RAPGEF6: variants seen among roughly 807,000 people sequenced by gnomAD.
RAPGEF6 encodes the protein Rap guanine nucleotide exchange factor 6, also known as PDZ domain containing guanine nucleotide exchange factor (GEF) 2.
In RAPGEF6, 56 loss-of-function variants were observed where a neutral mutation model predicts 171.4. The observed-to-expected ratio is 0.33, with a 90% CI of 0.26 to 0.41. RAPGEF6 has a LOEUF of 0.41. RAPGEF6 is among the 10% of genes least tolerant of loss of function. The probability of loss-of-function intolerance (pLI) is 1.00; values close to 1 mark genes in which losing one functional copy is unlikely to be tolerated. For missense variants in RAPGEF6, 1,674 were observed against 1,921.4 expected (o/e 0.87, Z 2.41); for synonymous variants, 692 against 650.1 (o/e 1.06, Z -0.98).
intron 1 of RAPGEF6, among the ~76,000 whole-genome samples, chr5:131,622,330 G>T (rs1048194923): frequency 6.6e-6 from 1 of 152,220 alleles, no homozygotes; most frequent in African/African-American, 2.4e-5. Context: ...GGAAGAAGGA[G>T]GCAGGCATGA....
intron 11 of RAPGEF6, among the ~76,000 whole-genome samples, chr5:131,503,947 T>G (rs1214412048): frequency 6.6e-6 from 1 of 152,206 alleles, no homozygotes; most frequent in Non-Finnish European, 1.5e-5. Context: ...CCAGAAGCAC[T>G]CTGCATCTTA....
In RAPGEF6 at chr5:131,523,030, T is replaced by C. The variant is rs78015757; in HGVS notation, c.496-1509A>G. On this transcript the variant is annotated intron_variant, in intron 6 of 27. Coordinates refer to ENST00000509018, the MANE Select transcript of RAPGEF6 (RefSeq NM_016340.6). ...CTAGGTCTCAATTAAAAAAATTTTT[T>C]TTCACATATACAACATCCATTGCTC... 3.3e-5 allele frequency among the ~76,000 whole-genome samples: 5 copies of C among 152,272 alleles called. No homozygotes were observed. The East Asian group carries it at 9.6e-4, about 29-fold the overall frequency.
chr5:131,426,034 C>A lies in RAPGEF6; in HGVS notation c.*1232G>T. The A allele has an allele frequency of 6.6e-6, 1 of 151,684 alleles. No individual in the cohort carries two copies. The highest frequency in any genetic ancestry group is 1.9e-4 in the East Asian group (1 of 5,304). The allele number at this position is 151,684 out of a possible 1,614,324, so 9.4% of individuals were successfully genotyped here. A position where few individuals can be genotyped will look rare whatever the true frequency, so the allele number is the denominator to read the frequency against. On this transcript the variant is annotated 3_prime_UTR_variant, in exon 28 of 28. Coordinates refer to ENST00000509018, the MANE Select transcript of RAPGEF6 (RefSeq NM_016340.6). ...TGAAAAATCTGCCTCATCCAGTAAACAGTCACTGAAATTTTAATTAAGAGT... is the reference window on the plus strand; with the variant it reads ...TGAAAAATCTGCCTCATCCAGTAAAAAGTCACTGAAATTTTAATTAAGAGT...
chr5:131,560,033 A>AT (rs1445094501), intron 5 of RAPGEF6, among the ~76,000 whole-genome samples: 6 of 152,034 alleles, frequency 3.9e-5, no homozygotes, highest in African/African-American at 1.4e-4. Flanking sequence ...ATTCTGAAAA[A>AT]TTTCACCTAT....
At chr5:131,458,322 C>A (rs1753663464) in intron 19 of RAPGEF6, among the ~76,000 whole-genome samples, 1 of 152,094 alleles carries the variant, frequency 6.6e-6, no homozygotes, top group South Asian at 2.1e-4. Context: ...TGGCACTTCC[C>A]CCCTCACTCT....
chr5:131,581,084 C>G (rs1580617392), intron 4 of RAPGEF6, among the ~76,000 whole-genome samples: 2 of 152,206 alleles, frequency 1.3e-5, no homozygotes, highest in South Asian at 4.1e-4. Context: ...GACTTCTCTG[C>G]TAGCATTACA....
intron 1 of RAPGEF6, among the ~76,000 whole-genome samples, chr5:131,634,058 C>G (rs764977239): frequency 6.6e-6 from 1 of 152,192 alleles, no homozygotes; most frequent in African/African-American, 2.4e-5. Flanking sequence ...GTCAGCCCAA[C>G]GTTACTGAGA....
At chr5:131,620,091 T>G (rs765818986) in intron 1 of RAPGEF6, among the ~76,000 whole-genome samples, 4 of 152,240 alleles carry the variant, frequency 2.6e-5, no homozygotes, top group African/African-American at 4.8e-5. Flanking sequence ...CGGCTGCTTT[T>G]TTTCAGTTTT....
At chr5:131,634,821 T>A (rs1390573225) in intron 1 of RAPGEF6, 141 bp downstream of exon 1, 1 of 995,324 alleles carries the variant, frequency 1.0e-6, no homozygotes, top group East Asian at 2.6e-5. Context: ...AGGGCCTGGG[T>A]CAGGGAAGAG....
chr5:131,592,754 A>G (rs1201076002), intron 3 of RAPGEF6, among the ~76,000 whole-genome samples: 1 of 152,240 alleles, frequency 6.6e-6, no homozygotes, highest in African/African-American at 2.4e-5. Context: ...ATCATTGTTT[A>G]TACTGTTCCT....
chr5:131,518,852 C>T (rs776913322), intron 7 of RAPGEF6, among the ~76,000 whole-genome samples: 48 of 151,742 alleles, frequency 3.2e-4, no homozygotes, highest in Admixed American at 1.1e-3. Flanking sequence ...TATCTTTATT[C>T]CTTTTATCTT....
chr5:131,577,469 C>T (rs1373456597), intron 4 of RAPGEF6, among the ~76,000 whole-genome samples: 1 of 152,180 alleles, frequency 6.6e-6, no homozygotes, highest in Non-Finnish European at 1.5e-5. Context: ...GCCTCAATCT[C>T]GTGCCAGACA....
chr5:131,522,245 A>G (rs925502581), intron 6 of RAPGEF6, among the ~76,000 whole-genome samples: 2 of 152,156 alleles, frequency 1.3e-5, no homozygotes, highest in African/African-American at 4.8e-5. Flanking sequence ...GCTGTACAAT[A>G]TATTTCATGC....
intron 1 of RAPGEF6, among the ~76,000 whole-genome samples, chr5:131,628,636 T>C (rs1337454715): frequency 6.6e-6 from 1 of 152,132 alleles, no homozygotes; most frequent in African/African-American, 2.4e-5. Flanking sequence ...ACCTAAGACT[T>C]CCATAACTAG....
At chr5:131,562,206 GAAAA>G (rs947650175) in intron 4 of RAPGEF6, among the ~76,000 whole-genome samples, 159 bp from the exon 5 acceptor site, 1 of 140,102 alleles carries the variant, frequency 7.1e-6, no homozygotes, top group African/African-American at 2.6e-5. Context: ...AAAAAAGAAA[GAAAA>G]AAAAAAACCT....
chr5:131,598,993 A>T (rs1764067133), intron 3 of RAPGEF6, among the ~76,000 whole-genome samples: 1 of 152,240 alleles, frequency 6.6e-6, no homozygotes, highest in Admixed American at 6.5e-5. Flanking sequence ...TACTGAATAC[A>T]AACTCATGCT....
chr5:131,614,692 T>A (rs1024447398), intron 1 of RAPGEF6, among the ~76,000 whole-genome samples: 1 of 152,190 alleles, frequency 6.6e-6, no homozygotes. Context: ...GTCTACAACA[T>A]ACGCAATGGA....
intron 6 of RAPGEF6, among the ~76,000 whole-genome samples, chr5:131,539,986 T>C (rs1413685936): frequency 6.6e-6 from 1 of 152,114 alleles, no homozygotes; most frequent in Non-Finnish European, 1.5e-5. Flanking sequence ...GCAAAGGGAA[T>C]CCCTTCAAAT....
chr5:131,440,252 G>GA, intron 23 of RAPGEF6: 1 of 456,136 alleles, frequency 2.2e-6, no homozygotes, highest in Non-Finnish European at 4.4e-6. Context: ...GTAAACAACA[G>GA]AAAAAATCAT....
Sources: allele counts gnomAD v4.1 joint callset (sites outside exome capture counted in the v4.1 genomes callset), GRCh38; gene constraint gnomAD v4.1.1; transcripts MANE v1.5; gene names NCBI Gene and HGNC (gene_info 2026-07-23, HGNC 2026-07-21).